ANKRD26: variants seen among roughly 807,000 people sequenced by gnomAD.
The protein encoded by ANKRD26 is ankyrin repeat domain 26.
Under a neutral mutation model 208.7 loss-of-function variants are expected in ANKRD26, and 141 were observed. The ratio of observed to expected loss-of-function variants is 0.68; its 90% CI spans 0.59 to 0.78. The LOEUF is 0.78. Ranked by LOEUF, ANKRD26 falls within the 30% of genes least tolerant of loss-of-function variation. The pLI is 0.00. For missense variants in ANKRD26, 1,889 were observed against 1,938.7 expected (o/e 0.97, Z 0.48); for synonymous variants, 636 against 660.4 (o/e 0.96, Z 0.57).
intron 4 of ANKRD26, among the ~76,000 whole-genome samples, 159 bp from the exon 5 acceptor site, chr10:27,086,768 G>GTTTTTTTTTTTTTTTTTTTT: frequency 1.0e-5 from 1 of 97,016 alleles, no homozygotes; most frequent in African/African-American, 3.8e-5. Flanking sequence ...AAACTTTTTT[G>GTTTTTTTTTTTTTTTTTTTT]TTTTTTTTTT....
At chr10:27,020,826 T>C (rs975247398) in intron 29 of ANKRD26, among the ~76,000 whole-genome samples, 2 of 152,126 alleles carry the variant, frequency 1.3e-5, no homozygotes, top group African/African-American at 4.8e-5. Flanking sequence ...GTCCAGCTAA[T>C]TTTTTTGTAT....
In ANKRD26 at chr10:27,086,566, T is replaced by G. The variant is rs1224926596; in HGVS notation, c.682A>C (p.Lys228Gln). 1.2e-6 allele frequency: 2 copies of G among 1,605,778 alleles called. No individual in the cohort carries two copies. The highest frequency in any genetic ancestry group is 1.3e-5 in the African/African-American group (1 of 74,748). ...ISEYKEERIP[K>Q]HSSQNSNSVD... is the part of the protein sequence containing the mutation. The stretch of plus-strand genomic sequence containing the variant: ...GAATTACTATTTTGAGAAGAATGTT[T>G]AGGTATCCTTTCTTCTTTATATTCT... Residue 228 changes from lysine to glutamine, a missense_variant, in exon 5 of 34, where the codon AAA (lysine) becomes CAA (glutamine). Transcript: ENST00000376087.
At chr10:27,080,285 G>A (rs1195762450) in intron 6 of ANKRD26, 5 of 152,552 alleles carry the variant, frequency 3.3e-5, no homozygotes, top group Admixed American at 3.3e-4. Context: ...ACTCAAAAAT[G>A]GCAGTCTTGG....
intron 4 of ANKRD26, among the ~76,000 whole-genome samples, chr10:26,995,353 C>A (rs182222717): frequency 1.3e-5 from 2 of 152,150 alleles, no homozygotes; most frequent in African/African-American, 4.8e-5. Flanking sequence ...AGGGAAGTGG[C>A]TGATGTTGCT....
intron 16 of ANKRD26, 31 bp downstream of exon 16, chr10:27,053,289 T>C (rs1432208446): frequency 6.6e-7 from 1 of 1,517,418 alleles, no homozygotes; most frequent in Non-Finnish European, 9.1e-7. Flanking sequence ...AAAACAATAT[T>C]AAACCAGAAA....
intron 29 of ANKRD26, 53 bp downstream of exon 29, chr10:27,022,505 A>G (rs2053523592): frequency 5.1e-6 from 7 of 1,368,874 alleles, no homozygotes; most frequent in Admixed American, 1.9e-5. Context: ...TGAGAAGTCT[A>G]TATTTCCCAA....
Position 27,060,634 on chromosome 10 carries a change from G to A in ANKRD26, c.1463-94C>T, listed in dbSNP as rs554204292. On this transcript the variant is annotated intron_variant, in intron 13 of 33. Transcript: ENST00000376087. ...GTGTTAGTATGACCAGAATCATCAC[G>A]CTTGGTTTGAAAATGATTATGTTAA... 4,599 of 959,416 alleles carry A rather than the reference G, an allele frequency of 4.8e-3. 26 individuals carry two copies. The highest frequency in any genetic ancestry group is 5.6e-3 in the Middle Eastern group (17 of 3,052). The allele number at this position is 959,416 out of a possible 1,614,324, so 59.4% of individuals were successfully genotyped here.
At chr10:27,028,368 G>A (rs968774853) in intron 27 of ANKRD26, among the ~76,000 whole-genome samples, 8 of 151,800 alleles carry the variant, frequency 5.3e-5, no homozygotes, top group South Asian at 4.2e-4. Flanking sequence ...AGGCCGAGGC[G>A]GGCGGATCAT....
intron 1 of ANKRD26, among the ~76,000 whole-genome samples, chr10:27,097,892 A>C (rs1455755101): frequency 6.6e-6 from 1 of 152,150 alleles, no homozygotes; most frequent in Non-Finnish European, 1.5e-5. Flanking sequence ...GACTTAAGTG[A>C]TCCACCCTCC....
intron 30 of ANKRD26, among the ~76,000 whole-genome samples, chr10:27,016,173 A>G (rs2053284068): frequency 6.6e-6 from 1 of 151,872 alleles, no homozygotes; most frequent in African/African-American, 2.4e-5. Context: ...AAATTTTTGT[A>G]GAGATGGGGT....
intron 9 of ANKRD26, among the ~76,000 whole-genome samples, chr10:27,068,703 G>C (rs1484625186): frequency 1.3e-5 from 2 of 152,072 alleles, no homozygotes; most frequent in Non-Finnish European, 2.9e-5. Flanking sequence ...AAGCAGGTGA[G>C]TTAGAGCATC....
At chr10:27,025,361 G>C (rs117283603) in intron 27 of ANKRD26, among the ~76,000 whole-genome samples, 2,505 of 152,146 alleles carry the variant, frequency 0.016, 153 homozygotes, top group East Asian at 0.16. Context: ...TTTAGAGACA[G>C]AGTTTTGCTA....
downstream of ANKRD26, among the ~76,000 whole-genome samples, chr10:26,999,148 G>A (rs964509612): frequency 5.9e-5 from 9 of 152,158 alleles, no homozygotes; most frequent in Admixed American, 3.3e-4. Flanking sequence ...TAGTTTTTGT[G>A]CATGCCTTTT....
chr10:26,985,212 T>C (rs1421068632), intron 3 of ANKRD26, among the ~76,000 whole-genome samples: 2 of 152,100 alleles, frequency 1.3e-5, no homozygotes, highest in African/African-American at 2.4e-5. Flanking sequence ...CTGGGCACCA[T>C]GGAGGGGGTT....
intron 9 of ANKRD26, among the ~76,000 whole-genome samples, chr10:27,075,875 T>C (rs1025820475): frequency 6.6e-6 from 1 of 152,154 alleles, no homozygotes; most frequent in South Asian, 2.1e-4. Flanking sequence ...TAATAAATTT[T>C]AAAAAACTGA....
chr10:26,996,881 C>A (rs58885200), intron 4 of ANKRD26, among the ~76,000 whole-genome samples: 1 of 152,072 alleles, frequency 6.6e-6, no homozygotes, highest in African/African-American at 2.4e-5. Context: ...CTCTCTTCTC[C>A]GCTAATGTTT....
At chr10:26,963,791 A>G in the ANKRD26 span, among the ~76,000 whole-genome samples, 1 of 151,606 alleles carries the variant, frequency 6.6e-6, no homozygotes, top group Non-Finnish European at 1.5e-5. Context: ...ATAATACCTA[A>G]TACAATGTAT....
At chr10:26,951,019 C>CTTTTTTTTTTTTTTTTTTTTT in the ANKRD26 span, among the ~76,000 whole-genome samples, 12 of 48,598 alleles carry the variant, frequency 2.5e-4, no homozygotes, top group Middle Eastern at 0.012. Flanking sequence ...TTTTCTTTTT[C>CTTTTTTTTTTTTTTTTTTTTT]TTTTTTTTTT....
chr10:26,956,454 T>C, the ANKRD26 span, among the ~76,000 whole-genome samples: 1 of 152,122 alleles, frequency 6.6e-6, no homozygotes, highest in Non-Finnish European at 1.5e-5. Flanking sequence ...TGAATTTTCT[T>C]CCATTAAGTC....
Sources: gnomAD v4.1 joint callset for allele counts (sites outside exome capture counted in the v4.1 genomes callset) on GRCh38, gnomAD v4.1.1 for gene constraint, MANE v1.5 for transcripts, NCBI Gene and HGNC (gene_info 2026-07-23, HGNC 2026-07-21) for gene names.